Variants in TGM6 observed in about 807,000 individuals in gnomAD.
The protein encoded by TGM6 is transglutaminase 6, also known as protein-glutamine gamma-glutamyltransferase 6.
In TGM6, 74 loss-of-function variants were observed where a neutral mutation model predicts 77.5. That is an observed-to-expected ratio of 0.96 (90% confidence interval 0.79 to 1.16). The LOEUF (loss-of-function observed/expected upper bound fraction) is 1.16, where lower values mean the gene tolerates loss of function less well. TGM6 is among the 50% of genes most tolerant of loss of function. The pLI is 0.00. For synonymous variants in TGM6, 383 were observed against 378.9 expected (o/e 1.01, Z -0.12); for missense variants, 968 against 940.2 (o/e 1.03, Z -0.39).
chr20:2,397,787 GCC>G (rs1273691216), intron 4 of TGM6, 129 bp from the exon 5 acceptor site: 12 of 1,443,152 alleles, frequency 8.3e-6, no homozygotes, highest in Non-Finnish European at 9.7e-6. Flanking sequence ...GCTCTGTGAT[GCC>G]CCTGGTGGTT....
At chr20:2,414,164 G>A (rs2084800624) in intron 9 of TGM6, among the ~76,000 whole-genome samples, 1 of 152,086 alleles carries the variant, frequency 6.6e-6, no homozygotes, top group African/African-American at 2.4e-5. Context: ...TTGAGGCTAG[G>A]AGTTCAAGAC....
intron 9 of TGM6, among the ~76,000 whole-genome samples, chr20:2,414,217 GAAAT>G (rs1284236348): frequency 6.6e-6 from 1 of 151,974 alleles, no homozygotes; most frequent in East Asian, 1.9e-4. Flanking sequence ...ACAAAATAAA[GAAAT>G]AAATAAATAA....
chr20:2,428,314 A>G (rs1302333381), intron 10 of TGM6, among the ~76,000 whole-genome samples: 1 of 152,114 alleles, frequency 6.6e-6, no homozygotes, highest in African/African-American at 2.4e-5. Context: ...TTAGATTGTT[A>G]GTGGTGTCTA....
At chr20:2,398,370 T>C (rs1257195656) in intron 5 of TGM6, among the ~76,000 whole-genome samples, 1 of 152,144 alleles carries the variant, frequency 6.6e-6, no homozygotes, top group Non-Finnish European at 1.5e-5. Flanking sequence ...TGGCAGTTCC[T>C]AGGTTGCCAT....
intron 9 of TGM6, among the ~76,000 whole-genome samples, chr20:2,411,064 C>A (rs911829063): frequency 3.3e-5 from 5 of 152,122 alleles, no homozygotes; most frequent in Admixed American, 1.3e-4. Context: ...ATCAATTATT[C>A]ATGAATTATT....
chr20:2,407,037 GT>G (rs1326669630), intron 9 of TGM6, among the ~76,000 whole-genome samples: 7 of 152,018 alleles, frequency 4.6e-5, no homozygotes, highest in Non-Finnish European at 1.0e-4. Flanking sequence ...CTAGTACAAA[GT>G]TTATTTTACA....
At chr20:2,391,150 C>T (rs570243063) in intron 1 of TGM6, among the ~76,000 whole-genome samples, 1 of 150,148 alleles carries the variant, frequency 6.7e-6, no homozygotes, top group African/African-American at 2.5e-5. Context: ...GGTGGGGGCA[C>T]AGGGGAAGTG....
chr20:2,414,071 T>C (rs1158377106), intron 9 of TGM6, among the ~76,000 whole-genome samples: 1 of 152,136 alleles, frequency 6.6e-6, no homozygotes, highest in African/African-American at 2.4e-5. Context: ...ATAATTTTTT[T>C]TGAGAGCACC....
chr20:2,428,419 C>T (rs2122437421), intron 10 of TGM6, among the ~76,000 whole-genome samples: 1 of 152,282 alleles, frequency 6.6e-6, no homozygotes, highest in East Asian at 1.9e-4. Context: ...GCCCAAAGCT[C>T]TGCTCATGTG....
intron 9 of TGM6, among the ~76,000 whole-genome samples, chr20:2,406,831 CAAAAAA>C (rs3050731): frequency 0.14 from 9,041 of 63,918 alleles, 910 homozygotes; most frequent in East Asian, 0.3. Flanking sequence ...CGAAACTCCT[CAAAAAA>C]AAAAAAAAAA....
chr20:2,403,884 C>T (rs2084731933), intron 9 of TGM6, 61 bp downstream of exon 9: 9 of 1,612,800 alleles, frequency 5.6e-6, no homozygotes. Flanking sequence ...CTGCAGAGGG[C>T]CCACTGCAGG....
At chr20:2,414,113 G>A (rs2084800324) in intron 9 of TGM6, among the ~76,000 whole-genome samples, 1 of 152,060 alleles carries the variant, frequency 6.6e-6, no homozygotes. Flanking sequence ...ACCATGCTTG[G>A]CCCATCCTAG....
intron 9 of TGM6, among the ~76,000 whole-genome samples, chr20:2,404,839 C>T (rs1467792328): frequency 6.6e-6 from 1 of 152,104 alleles, no homozygotes; most frequent in African/African-American, 2.4e-5. Context: ...CGGGGTTTCA[C>T]CATGTTGGCC....
intron 2 of TGM6, among the ~76,000 whole-genome samples, chr20:2,394,922 T>C (rs1027683818): frequency 6.6e-6 from 1 of 152,186 alleles, no homozygotes; most frequent in African/African-American, 2.4e-5. Context: ...GCCCAAGCTT[T>C]TCTTTCCTTT....
At chr20:2,395,968 G>A (rs2084662591) in intron 3 of TGM6, among the ~76,000 whole-genome samples, 1 of 152,146 alleles carries the variant, frequency 6.6e-6, no homozygotes, top group Non-Finnish European at 1.5e-5. Flanking sequence ...ATCACCTGAG[G>A]TGGGGAGTTC....
rs1375604276 is a variant in TGM6 at position 2,380,939 on chromosome 20, G to T, written c.-30G>T. ...CTGACGGTGCACACACTGCTGTGTG[G>T]AGGAACAGAGGAGTCCAGCTGGCCT... On this transcript the variant is annotated 5_prime_UTR_variant, in exon 1 of 13. Transcript: ENST00000202625. 1 of 1,604,410 alleles carries T rather than the reference G, an allele frequency of 6.2e-7. No individual in the cohort carries two copies.
At chr20:2,398,080 C>T in intron 5 of TGM6, 34 bp downstream of exon 5, 1 of 1,614,134 alleles carries the variant, frequency 6.2e-7, no homozygotes. Context: ...ACATGTACTT[C>T]CTCAAGGATC....
chr20:2,406,102 G>C (rs976300949), intron 9 of TGM6, among the ~76,000 whole-genome samples: 2 of 152,096 alleles, frequency 1.3e-5, no homozygotes, highest in African/African-American at 4.8e-5. Context: ...CCTATCTCCA[G>C]GAACATGGCA....
intron 10 of TGM6, among the ~76,000 whole-genome samples, chr20:2,418,945 C>T (rs1196773057): frequency 1.3e-5 from 2 of 152,136 alleles, no homozygotes; most frequent in Middle Eastern, 3.2e-3. Flanking sequence ...GGCATGGTGG[C>T]ACACGCCTGT....
Sources: gnomAD v4.1 joint callset for allele counts (sites outside exome capture counted in the v4.1 genomes callset) on GRCh38, gnomAD v4.1.1 for gene constraint, MANE v1.5 for transcripts, NCBI Gene and HGNC (gene_info 2026-07-23, HGNC 2026-07-21) for gene names.